The following GLYR1 variants were observed in gnomAD, a reference collection of about 807,000 sequenced individuals.
GLYR1 encodes the protein cytokine-like nuclear factor N-PAC.
In GLYR1, 21 loss-of-function variants were observed where a neutral mutation model predicts 72.7. The ratio of observed to expected loss-of-function variants is 0.29; its 90% confidence interval spans 0.20 to 0.42. GLYR1 has a LOEUF of 0.42. Ranked by LOEUF, GLYR1 falls within the 10% of genes least tolerant of loss-of-function variation. GLYR1 has a pLI of 1.00. For missense variants in GLYR1, 594 were observed against 712.1 expected, an observed-to-expected ratio of 0.83 and a Z score of 1.89; for synonymous variants, 392 against 270.2, an observed-to-expected ratio of 1.45 and a Z score of -4.42.
chr16:4,823,056 T>C, intron 6 of GLYR1, 125 bp from the exon 7 acceptor site: 2 of 804,906 alleles, frequency 2.5e-6, no homozygotes, highest in South Asian at 1.6e-5. Flanking sequence ...TTCACAATTG[T>C]CTGGAAACTC....
chr16:4,836,827 A>AC (rs1567789726), intron 3 of GLYR1, among the ~76,000 whole-genome samples: 1 of 151,712 alleles, frequency 6.6e-6, no homozygotes, highest in African/African-American at 2.4e-5. Context: ...AAAAAAAAAA[A>AC]AACAAAACAA....
intron 15 of GLYR1, among the ~76,000 whole-genome samples, chr16:4,810,714 A>G (rs1056672303): frequency 5.6e-5 from 8 of 142,630 alleles, no homozygotes; most frequent in African/African-American, 2.0e-4. Flanking sequence ...AAAAAAAAAA[A>G]AAAAAAAAAA....
At chr16:4,807,987 G>C (rs998536896) in intron 15 of GLYR1, among the ~76,000 whole-genome samples, 5 of 152,164 alleles carry the variant, frequency 3.3e-5, no homozygotes, top group African/African-American at 1.2e-4. Flanking sequence ...TGTAATCCCA[G>C]CACTTTGGGA....
Position 4,804,961 on chromosome 16 carries a change from G to GTGTC in GLYR1, c.*274_*275insGACA. 1.9e-6 allele frequency: 1 copy of GTGTC among 533,912 alleles called. No homozygotes were observed. The highest frequency in any genetic ancestry group is 3.4e-6 in the Non-Finnish European group (1 of 293,642). 33.1% of individuals were successfully genotyped at this position (533,912 alleles called of 1,614,324 possible). ...TGTGTGTGTGTGTGTGTGTGTGTGT[G>GTGTC]TGTGTGTGTGAACACACAGCCACCT... On this transcript the variant is annotated 3_prime_UTR_variant, in exon 16 of 16. Transcript: ENST00000321919.
rs1348206555 is a variant in GLYR1, at chr16:4,846,189, A to G, written c.60T>C (p.Pro20=). 1.9e-6 allele frequency: 3 copies of G among 1,613,832 alleles called. No individual in the cohort carries two copies. In the Admixed American group the frequency reaches 5.0e-5, roughly 27 times the overall value. The change falls in exon 2 of 16, where the codon CCT becomes CCC. Residue 20 remains proline, a synonymous_variant. Coordinates refer to ENST00000321919, the MANE Select transcript of GLYR1 (RefSeq NM_032569.4). The part of the protein sequence containing the change: ...DLVWGKLGRY[P]PWPGKIVNPP... Reference sequence around the variant, plus strand: ...AGACACTCACCTTTCCTGGCCAAGGAGGATATCGGCCGAGTTTCCCCCTAG... The same window carrying G: ...AGACACTCACCTTTCCTGGCCAAGGGGGATATCGGCCGAGTTTCCCCCTAG...
At chr16:4,837,204 G>C (rs1567791575) in intron 3 of GLYR1, among the ~76,000 whole-genome samples, 1 of 152,188 alleles carries the variant, frequency 6.6e-6, no homozygotes, top group Non-Finnish European at 1.5e-5. Flanking sequence ...GGGAGACCGA[G>C]GCAGGTGGAT....
chr16:4,807,053 G>A (rs1344813208), intron 15 of GLYR1, among the ~76,000 whole-genome samples: 7 of 148,518 alleles, frequency 4.7e-5, no homozygotes, highest in South Asian at 4.3e-4. Context: ...TGATCCACCC[G>A]CCTCGGCCTC....
At chr16:4,829,496 G>GT (rs758487839) in intron 5 of GLYR1, among the ~76,000 whole-genome samples, 5 of 150,876 alleles carry the variant, frequency 3.3e-5, no homozygotes, top group African/African-American at 4.9e-5. Context: ...TTTTTTTGTT[G>GT]TTTTTTTTGA....
At chr16:4,825,289 C>CA (rs1030793246) in intron 5 of GLYR1, among the ~76,000 whole-genome samples, 9 of 152,318 alleles carry the variant, frequency 5.9e-5, no homozygotes, top group African/African-American at 2.2e-4. Flanking sequence ...TCTCCAACCT[C>CA]AAGTCCTATT....
chr16:4,807,113 T>C (rs1216183419), intron 15 of GLYR1, among the ~76,000 whole-genome samples: 2 of 145,886 alleles, frequency 1.4e-5, no homozygotes, highest in Non-Finnish European at 1.5e-5. Context: ...GCCCCTTTTT[T>C]TTTTTTTTTT....
In GLYR1 at chr16:4,821,686, G is replaced by A. The variant is rs796181228; in HGVS notation, c.682-89C>T. ...TCCCCTCAAAGGTTAGACCCAAAGT[G>A]GGAAGTTAACATCAACTATTTGTTT... is the stretch of plus-strand genomic sequence containing the variant. On this transcript the variant is annotated intron_variant, in intron 7 of 15. Transcript: ENST00000321919. 1.4e-5 allele frequency: 18 copies of A among 1,241,880 alleles called. No individual in the cohort carries two copies. In the African/African-American group the frequency reaches 2.5e-4, roughly 17 times the overall value. 76.9% of individuals were successfully genotyped at this position (1,241,880 alleles called of 1,614,324 possible). A position where few individuals can be genotyped will look rare whatever the true frequency, so the allele number is the denominator to read the frequency against.
At chr16:4,815,536 C>G (rs777241191) in intron 10 of GLYR1, among the ~76,000 whole-genome samples, 2 of 151,998 alleles carry the variant, frequency 1.3e-5, no homozygotes, top group Admixed American at 6.6e-5. Context: ...TCTTTACGTA[C>G]AAAACTTCTC....
chr16:4,818,695 T>C (rs1014480717), intron 9 of GLYR1, among the ~76,000 whole-genome samples: 1 of 152,168 alleles, frequency 6.6e-6, no homozygotes, highest in Non-Finnish European at 1.5e-5. Flanking sequence ...TTCACCTCTC[T>C]TTCCCAACTT....
At position 4,811,246 on chromosome 16, in the gene GLYR1, TG is replaced by T; in HGVS notation, c.1510del (p.Gln504ArgfsTer6). ...CGCAATGGCTAAGCGGAGATCCTTC[TG>T]AATGTATTTCAGGTAGAAATCAGGC... is the stretch of plus-strand genomic sequence containing the variant. ...FKPDFYLKYI[Q>X]KDLRLAIALG... On this transcript the variant is annotated frameshift_variant, in exon 15 of 16. Transcript: ENST00000321919. LOFTEE classifies it high-confidence loss of function. 6.2e-7 allele frequency: 1 copy of T among 1,614,216 alleles called. No individual in the cohort carries two copies. The highest frequency in any genetic ancestry group is 8.5e-7 in the Non-Finnish European group (1 of 1,180,032).
At chr16:4,811,851 G>C in intron 13 of GLYR1, 49 bp from the exon 14 acceptor site, 2 of 1,571,884 alleles carry the variant, frequency 1.3e-6, no homozygotes, top group Non-Finnish European at 8.7e-7. Context: ...GCCACAGACA[G>C]GGCTTCTCTG....
At chr16:4,820,217 G>C (rs538231276) in intron 9 of GLYR1, among the ~76,000 whole-genome samples, 15 of 152,196 alleles carry the variant, frequency 9.9e-5, no homozygotes, top group Non-Finnish European at 2.2e-4. Flanking sequence ...TTGAACTCCT[G>C]ACCTCAGGTA....
Position 4,804,947 on chromosome 16 carries a change from G to A in GLYR1, c.*289C>T. On this transcript the variant is annotated 3_prime_UTR_variant, in exon 16 of 16. Transcript: ENST00000321919. ...GGGGCGAGAGCCTGTGTGTGTGTGTGTGTGTGTGTGTGTGTGTGTGTGTGA... is the reference window on the plus strand; with the variant it reads ...GGGGCGAGAGCCTGTGTGTGTGTGTATGTGTGTGTGTGTGTGTGTGTGTGA... The A allele has an allele frequency of 2.0e-6, 1 of 496,766 alleles. No individual in the cohort carries two copies. Among genetic ancestry groups the A allele is most frequent in the East Asian group, 3.3e-5 (1 of 30,386 alleles). 30.8% of individuals were successfully genotyped at this position (496,766 alleles called of 1,614,324 possible).
chr16:4,832,032 T>C lies in GLYR1; in HGVS notation c.484A>G (p.Arg162Gly), dbSNP rs1444802816. The change falls in exon 5 of 16, where the codon AGA becomes GGA. Residue 162 changes from arginine to glycine, a missense_variant. Coordinates refer to ENST00000321919, the MANE Select transcript of GLYR1 (RefSeq NM_032569.4). Reference protein sequence around the residue: ...SERGSKSPLKRAQEQSPRKRG... With the variant: ...SERGSKSPLKGAQEQSPRKRG... ...TTCCGGGGACTTTGCTCTTGGGCTC[T>C]TTTCAGAGGGGATTTGGAGCCTCTC... is the stretch of plus-strand genomic sequence containing the variant. 6.2e-7 allele frequency: 1 copy of C among 1,614,238 alleles called. No homozygotes were observed. Among genetic ancestry groups the C allele is most frequent in the Non-Finnish European group, 8.5e-7 (1 of 1,180,036 alleles).
rs1006937588 is a variant in GLYR1 at position 4,817,223 on chromosome 16, C to T, written c.906+375G>A. ...CAAGCTCTGCCTCCCGGGTTCATGC[C>T]ATTCTCCTGCCTCAGCCTCTGGAGC... On this transcript the variant is annotated intron_variant, in intron 10 of 15. Transcript: ENST00000321919. Among the ~76,000 whole-genome samples the T allele has an allele frequency of 2.0e-5, 3 of 151,516 alleles. No individual in the cohort carries two copies. The East Asian group carries it at 5.9e-4, about 30-fold the overall frequency.
Sources: allele counts gnomAD v4.1 joint callset (sites outside exome capture counted in the v4.1 genomes callset), GRCh38; gene constraint gnomAD v4.1.1; transcripts MANE v1.5; gene names NCBI Gene and HGNC (gene_info 2026-07-23, HGNC 2026-07-21).